The following HS6ST3 variants were observed in gnomAD, a reference collection of about 807,000 sequenced individuals.
The protein encoded by HS6ST3 is heparan sulfate 6-O-sulfotransferase 3.
HS6ST3 carries 12 observed loss-of-function variants against 36.7 expected under a neutral mutation model. The ratio of observed to expected loss-of-function variants is 0.33; its 90% confidence interval spans 0.21 to 0.53. The LOEUF (loss-of-function observed/expected upper bound fraction) is 0.53, where lower values mean the gene tolerates loss of function less well. HS6ST3 is among the 20% of genes least tolerant of loss of function. The pLI is 0.95. For missense variants in HS6ST3, 584 were observed against 640.9 expected, an observed-to-expected ratio of 0.91 and a Z score of 0.96; for synonymous variants, 240 against 257.5, an observed-to-expected ratio of 0.93 and a Z score of 0.65.
intron 1 of HS6ST3, among the ~76,000 whole-genome samples, chr13:96,133,631 C>T (rs1276983465): frequency 6.6e-6 from 1 of 152,022 alleles, no homozygotes; most frequent in Non-Finnish European, 1.5e-5. Flanking sequence ...CCATGTTGGC[C>T]AGGCTGGACT....
chr13:96,778,293 G>A (rs1477524616), intron 1 of HS6ST3, among the ~76,000 whole-genome samples: 2 of 152,100 alleles, frequency 1.3e-5, no homozygotes, highest in African/African-American at 2.4e-5. Flanking sequence ...AACACCAAAG[G>A]CAATGGCAAC....
At chr13:96,233,322 A>G (rs1362340906) in intron 1 of HS6ST3, among the ~76,000 whole-genome samples, 2 of 152,198 alleles carry the variant, frequency 1.3e-5, no homozygotes, top group African/African-American at 2.4e-5. Context: ...TGTCATGGCT[A>G]TGGAATGGGT....
At chr13:96,249,875 G>A (rs2054599920) in intron 1 of HS6ST3, among the ~76,000 whole-genome samples, 1 of 152,152 alleles carries the variant, frequency 6.6e-6, no homozygotes, top group African/African-American at 2.4e-5. Flanking sequence ...CTACTTAGAT[G>A]AGGTATCTAA....
chr13:96,685,800 T>A (rs1874758066), intron 1 of HS6ST3, among the ~76,000 whole-genome samples: 1 of 152,016 alleles, frequency 6.6e-6, no homozygotes, highest in South Asian at 2.1e-4. Flanking sequence ...CCCAGAGTAG[T>A]TTCCCAAAAC....
intron 1 of HS6ST3, among the ~76,000 whole-genome samples, chr13:96,535,634 G>A (rs1426904249): frequency 2.0e-5 from 3 of 152,044 alleles, no homozygotes; most frequent in Non-Finnish European, 4.4e-5. Flanking sequence ...CATATGCATG[G>A]AGATCTGGTT....
At chr13:96,196,379 G>A (rs2054312782) in intron 1 of HS6ST3, among the ~76,000 whole-genome samples, 1 of 152,084 alleles carries the variant, frequency 6.6e-6, no homozygotes, top group Non-Finnish European at 1.5e-5. Context: ...TCTCCTAAGT[G>A]TCTCCCCCGA....
chr13:96,396,318 G>T (rs1042290914), intron 1 of HS6ST3, among the ~76,000 whole-genome samples: 32 of 151,358 alleles, frequency 2.1e-4, no homozygotes, highest in Middle Eastern at 3.4e-3. Context: ...TGTTTTGTTT[G>T]TTTGTTTGTT....
chr13:96,582,079 T>A (rs1215677954), intron 1 of HS6ST3, among the ~76,000 whole-genome samples: 1 of 152,204 alleles, frequency 6.6e-6, no homozygotes, highest in Non-Finnish European at 1.5e-5. Flanking sequence ...ATCTTCAGAT[T>A]TTTCAAGGCA....
chr13:96,703,427 A>T (rs1875340544), intron 1 of HS6ST3, among the ~76,000 whole-genome samples: 1 of 152,230 alleles, frequency 6.6e-6, no homozygotes, highest in Admixed American at 6.5e-5. Flanking sequence ...CTAATTAAAA[A>T]TGGAGAATGA....
chr13:96,489,348 TG>T (rs2055932913), intron 1 of HS6ST3, among the ~76,000 whole-genome samples: 1 of 150,746 alleles, frequency 6.6e-6, no homozygotes, highest in Non-Finnish European at 1.5e-5. Context: ...CAAGAATTTG[TG>T]GCAGGAATAT....
At position 96,515,547 on chromosome 13, in the gene HS6ST3, C is replaced by T. The variant is rs72641869; in HGVS notation, c.708-316943C>T. On this transcript the variant is annotated intron_variant, in intron 1 of 1. Transcript: ENST00000376705. Reference sequence around the variant, plus strand: ...CTCTTACTCATCTTTCTCCTTTCATCTTACATGCTACCTCCTCTGATATGG... The same window carrying T: ...CTCTTACTCATCTTTCTCCTTTCATTTTACATGCTACCTCCTCTGATATGG... 5.4e-3 allele frequency among the ~76,000 whole-genome samples: 823 copies of T among 152,340 alleles called. 7 individuals are homozygous for T. The highest frequency in any genetic ancestry group is 0.02 in the Middle Eastern group (6 of 294).
chr13:96,250,186 G>A (rs2054601642), intron 1 of HS6ST3, among the ~76,000 whole-genome samples: 3 of 152,298 alleles, frequency 2.0e-5, no homozygotes, highest in Admixed American at 6.5e-5. Flanking sequence ...TGCACAGGAT[G>A]AAAAGATGAT....
At chr13:96,611,241 C>T (rs868469139) in intron 1 of HS6ST3, among the ~76,000 whole-genome samples, 2 of 151,590 alleles carry the variant, frequency 1.3e-5, no homozygotes, top group Admixed American at 6.6e-5. Context: ...CCCACTAACT[C>T]GTCTTCTACA....
chr13:96,700,028 A>C (rs775513666), intron 1 of HS6ST3, among the ~76,000 whole-genome samples: 1 of 152,186 alleles, frequency 6.6e-6, no homozygotes, highest in African/African-American at 2.4e-5. Context: ...GCTTTCCTGA[A>C]TCCTAATGAA....
chr13:96,483,535 T>A (rs2055899692), intron 1 of HS6ST3, among the ~76,000 whole-genome samples: 1 of 152,212 alleles, frequency 6.6e-6, no homozygotes, highest in Non-Finnish European at 1.5e-5. Context: ...TAGACTTTTA[T>A]TTGAAAAGAG....
intron 1 of HS6ST3, among the ~76,000 whole-genome samples, chr13:96,523,637 C>T (rs956210545): frequency 1.3e-5 from 2 of 151,940 alleles, no homozygotes; most frequent in African/African-American, 4.8e-5. Context: ...CACTGATACC[C>T]TTTCTTCCAC....
chr13:96,384,480 A>C (rs2055357542), intron 1 of HS6ST3, among the ~76,000 whole-genome samples: 1 of 152,084 alleles, frequency 6.6e-6, no homozygotes, highest in South Asian at 2.1e-4. Flanking sequence ...TTTGTTTGCC[A>C]ATGAGAGTTT....
intron 1 of HS6ST3, among the ~76,000 whole-genome samples, chr13:96,434,838 T>C (rs2055633760): frequency 6.6e-6 from 1 of 152,206 alleles, no homozygotes; most frequent in African/African-American, 2.4e-5. Context: ...TGCAAGATTA[T>C]TAATCCCTTG....
At chr13:96,197,985 C>T (rs1014532527) in intron 1 of HS6ST3, among the ~76,000 whole-genome samples, 32 of 152,210 alleles carry the variant, frequency 2.1e-4, no homozygotes, top group Non-Finnish European at 2.8e-4. Flanking sequence ...AGGGCCCTGT[C>T]CCTGGAGCAG....
Sources: allele counts gnomAD v4.1 joint callset (sites outside exome capture counted in the v4.1 genomes callset), GRCh38; gene constraint gnomAD v4.1.1; transcripts MANE v1.5; gene names NCBI Gene and HGNC (gene_info 2026-07-23, HGNC 2026-07-21).